Variants in KCTD16 observed in about 807,000 individuals in gnomAD.
KCTD16 encodes potassium channel tetramerization domain containing 16.
A neutral mutation model predicts 33.2 loss-of-function variants in KCTD16; 13 were observed. That is an observed-to-expected ratio of 0.39 (90% CI 0.25 to 0.62). The LOEUF (loss-of-function observed/expected upper bound fraction) is 0.62, where lower values mean the gene tolerates loss of function less well. Ranked by LOEUF, KCTD16 falls within the 20% of genes least tolerant of loss-of-function variation. The pLI, the probability that KCTD16 is intolerant of heterozygous loss-of-function variation, is 0.50. For synonymous variants in KCTD16, 197 were observed against 195.3 expected (o/e 1.01, Z -0.07); for missense variants, 441 against 525.1 (o/e 0.84, Z 1.57).
In KCTD16 at chr5:144,342,757, A is replaced by G. The variant is rs191265604; in HGVS notation, c.833-130903A>G. ...TATTAGTTTGAGATATGTCCCATCA[A>G]TACCTAGTTTATTGAGAGTTTTTAG... On this transcript the variant is annotated intron_variant, in intron 3 of 3. Transcript: ENST00000512467. 4.1e-3 allele frequency among the ~76,000 whole-genome samples: 618 copies of G among 152,302 alleles called. 1 individual carries two copies. Among genetic ancestry groups the G allele is most frequent in the African/African-American group, 0.014 (568 of 41,552 alleles).
rs77705613 is a variant in KCTD16 at position 144,435,868 on chromosome 5, C to T, written c.833-37792C>T. Among the ~76,000 whole-genome samples, 767 of 149,148 alleles carry T rather than the reference C, an allele frequency of 5.1e-3. 4 individuals carry two copies. The highest frequency in any genetic ancestry group is 0.019 in the African/African-American group (739 of 39,160). On this transcript the variant is annotated intron_variant, in intron 3 of 3. Coordinates refer to ENST00000512467, the MANE Select transcript of KCTD16 (RefSeq NM_020768.4). ...ATGTGTGTGTGTGTGTAGTTTTATT[C>T]TGATGCCATTCTCCAAGAATTCTGT...
chr5:144,187,263 A>G (rs998437963), intron 2 of KCTD16, among the ~76,000 whole-genome samples: 1 of 152,164 alleles, frequency 6.6e-6, no homozygotes, highest in African/African-American at 2.4e-5. Context: ...CTGGCTCATT[A>G]TTGTAATAGT....
intron 3 of KCTD16, among the ~76,000 whole-genome samples, chr5:144,371,577 C>G (rs1751967613): frequency 6.6e-6 from 1 of 152,098 alleles, no homozygotes; most frequent in Non-Finnish European, 1.5e-5. Context: ...TGCACAACGA[C>G]AAGAAGCAGC....
chr5:144,286,832 T>C (rs556949603), intron 3 of KCTD16, among the ~76,000 whole-genome samples: 1 of 152,298 alleles, frequency 6.6e-6, no homozygotes, highest in African/African-American at 2.4e-5. Flanking sequence ...AAAATCTATC[T>C]TCTATGATAA....
chr5:144,362,708 G>A (rs1398699123), intron 3 of KCTD16, among the ~76,000 whole-genome samples: 3 of 152,110 alleles, frequency 2.0e-5, no homozygotes, highest in Non-Finnish European at 4.4e-5. Flanking sequence ...GTTAGTTTAG[G>A]GTGTTGGTGG....
intron 3 of KCTD16, among the ~76,000 whole-genome samples, chr5:144,466,950 T>TATATATATTATATATATTATATATA (rs1491107413): frequency 1.5e-5 from 2 of 132,866 alleles, no homozygotes; most frequent in African/African-American, 5.8e-5. Flanking sequence ...TAACCGTTAC[T>TATATATATTATATATATTATATATA]ATATATATTA....
intron 3 of KCTD16, among the ~76,000 whole-genome samples, chr5:144,311,735 T>C (rs1436396399): frequency 2.6e-5 from 4 of 152,158 alleles, no homozygotes; most frequent in Non-Finnish European, 5.9e-5. Flanking sequence ...TACAGGTATA[T>C]GAAGTCAGGC....
At position 144,184,659 on chromosome 5, in the gene KCTD16, G is replaced by A. The variant is rs150230468; in HGVS notation, c.-327+10187G>A. 2.3e-4 allele frequency among the ~76,000 whole-genome samples: 35 copies of A among 152,224 alleles called. No homozygotes were observed. The East Asian group carries it at 5.8e-3, about 25-fold the overall frequency. ...CACAAAGGTTCTAATTGCTCCATACGATAGCCAACACTTGTTATTATTTTC... is the reference window on the plus strand; with the variant it reads ...CACAAAGGTTCTAATTGCTCCATACAATAGCCAACACTTGTTATTATTTTC... On this transcript the variant is annotated intron_variant, in intron 2 of 3. Coordinates refer to ENST00000512467, the MANE Select transcript of KCTD16 (RefSeq NM_020768.4).
At chr5:144,330,200 G>T (rs1752317312) in intron 3 of KCTD16, among the ~76,000 whole-genome samples, 1 of 151,974 alleles carries the variant, frequency 6.6e-6, no homozygotes, top group African/African-American at 2.4e-5. Flanking sequence ...ATCACCTGAG[G>T]TTAGGAGTTT....
chr5:144,186,644 A>G (rs983283702), intron 2 of KCTD16, among the ~76,000 whole-genome samples: 3 of 152,210 alleles, frequency 2.0e-5, no homozygotes, highest in Non-Finnish European at 4.4e-5. Flanking sequence ...CCAGGTATCC[A>G]CATTTTCTCC....
intron 3 of KCTD16, among the ~76,000 whole-genome samples, chr5:144,462,786 T>C (rs349688): frequency 0.42 from 64,108 of 151,904 alleles, 13,773 homozygotes; most frequent in East Asian, 0.67. Flanking sequence ...TGCAAATTTA[T>C]GCAAGTGGCA....
intron 3 of KCTD16, among the ~76,000 whole-genome samples, chr5:144,395,757 A>T (rs940308585): frequency 2.6e-5 from 4 of 152,166 alleles, no homozygotes; most frequent in Non-Finnish European, 5.9e-5. Context: ...GATCTGGACC[A>T]TGGGAGGCCA....
At chr5:144,320,812 C>T (rs1752051894) in intron 3 of KCTD16, among the ~76,000 whole-genome samples, 1 of 151,012 alleles carries the variant, frequency 6.6e-6, no homozygotes, top group South Asian at 2.1e-4. Flanking sequence ...ATGGTTCAGA[C>T]CATAAGTAGA....
intron 3 of KCTD16, among the ~76,000 whole-genome samples, chr5:144,452,227 G>A (rs1753960488): frequency 6.6e-6 from 1 of 150,802 alleles, no homozygotes; most frequent in Non-Finnish European, 1.5e-5. Context: ...ATAACCCTGA[G>A]ATCCTGAGAT....
chr5:144,267,941 C>A (rs1350058670), intron 3 of KCTD16, among the ~76,000 whole-genome samples: 1 of 152,120 alleles, frequency 6.6e-6, no homozygotes, highest in Admixed American at 6.5e-5. Flanking sequence ...TCTGGGAATT[C>A]AATGGAGTAG....
intron 3 of KCTD16, among the ~76,000 whole-genome samples, chr5:144,223,962 C>T (rs1181714119): frequency 1.3e-5 from 2 of 151,738 alleles, no homozygotes. Flanking sequence ...TTTAAAAAAA[C>T]CCGACCCAGA....
chr5:144,328,386 T>C (rs1306247007), intron 3 of KCTD16, among the ~76,000 whole-genome samples: 4 of 152,114 alleles, frequency 2.6e-5, no homozygotes, highest in Admixed American at 1.3e-4. Context: ...GAAGAAGAGA[T>C]CTTACCAGAA....
At chr5:144,177,157 A>C (rs1752526608) in intron 2 of KCTD16, among the ~76,000 whole-genome samples, 2 of 152,206 alleles carry the variant, frequency 1.3e-5, no homozygotes, top group South Asian at 4.1e-4. Context: ...GAATTAAAAA[A>C]AGAAGAAGAA....
chr5:144,412,936 G>A (rs994735430), intron 3 of KCTD16, among the ~76,000 whole-genome samples: 1 of 152,090 alleles, frequency 6.6e-6, no homozygotes, highest in African/African-American at 2.4e-5. Flanking sequence ...TCAGTAGGGT[G>A]ATATAGTTTA....
Sources: allele counts gnomAD v4.1 joint callset (sites outside exome capture counted in the v4.1 genomes callset), GRCh38; gene constraint gnomAD v4.1.1; transcripts MANE v1.5; gene names NCBI Gene and HGNC (gene_info 2026-07-23, HGNC 2026-07-21).